The following EDEM3 variants were observed in gnomAD, a reference collection of about 807,000 sequenced individuals.
The protein encoded by EDEM3 is ER degradation enhancing alpha-mannosidase like protein 3, also known as ER degradation-enhancing alpha-mannosidase-like protein 3.
Under a neutral mutation model 110.2 loss-of-function variants are expected in EDEM3, and 60 were observed. The ratio of observed to expected loss-of-function variants is 0.54; its 90% CI spans 0.44 to 0.67. EDEM3 has a LOEUF of 0.67. Among genes scored for constraint, EDEM3 ranks in the 30% least tolerant of loss-of-function variants. EDEM3 has a pLI of 0.00. For missense variants in EDEM3, 996 were observed against 1,121.0 expected, an observed-to-expected ratio of 0.89 and a Z score of 1.59; for synonymous variants, 352 against 382.9, an observed-to-expected ratio of 0.92 and a Z score of 0.94.
chr1:184,737,737 C>T (rs368162747), intron 2 of EDEM3, 26 bp from the exon 3 acceptor site: 394 of 1,597,650 alleles, frequency 2.5e-4, no homozygotes, highest in Non-Finnish European at 3.2e-4. Context: ...TAGTAAGTTA[C>T]TAAGGAAAAT....
At chr1:184,753,391 G>C (rs1571436867) in intron 1 of EDEM3, among the ~76,000 whole-genome samples, 1 of 143,114 alleles carries the variant, frequency 7.0e-6, no homozygotes, top group Non-Finnish European at 1.5e-5. Context: ...AGGAAGAGCT[G>C]TTCTTTCAAA....
At chr1:184,701,485 C>A (rs1298909249) in intron 19 of EDEM3, 2 of 1,269,608 alleles carry the variant, frequency 1.6e-6, no homozygotes, top group Non-Finnish European at 2.0e-6. Context: ...CTTGTTAATG[C>A]AAGATACTTA....
intron 13 of EDEM3, among the ~76,000 whole-genome samples, chr1:184,715,712 A>G (rs1650509221): frequency 6.6e-6 from 1 of 152,236 alleles, no homozygotes; most frequent in Non-Finnish European, 1.5e-5. Context: ...TAAGGATCAA[A>G]TTAGTTAAAC....
intron 14 of EDEM3, 117 bp downstream of exon 14, chr1:184,712,316 T>C (rs1408406673): frequency 2.2e-6 from 2 of 919,000 alleles, no homozygotes; most frequent in Non-Finnish European, 3.2e-6. Context: ...AAAATGTATA[T>C]ATTTATTCTT....
At position 184,726,371 on chromosome 1, in the gene EDEM3, T is replaced by A. The variant is rs142115161; in HGVS notation, c.631A>T (p.Ile211Phe). Reference protein sequence around the residue: ...PYPRINLKFGIRKPEARTGTE... With the variant: ...PYPRINLKFGFRKPEARTGTE... Reference sequence around the variant, plus strand: ...CCTGTCCGAGCTTCTGGTTTTCTGATGCCAAACTTTAAATTAATCTGAATA... The same window carrying A: ...CCTGTCCGAGCTTCTGGTTTTCTGAAGCCAAACTTTAAATTAATCTGAATA... The change falls in exon 7 of 20, where the codon ATC becomes TTC. Residue 211 changes from isoleucine (I) to phenylalanine (F), a missense_variant. Physicochemically the swap from Ile to Phe is conservative, Grantham distance 21 (BLOSUM62 0). Around this residue, in one of 5 missense-constraint regions of EDEM3, gnomAD observed 310 missense variants for 394.6 expected, o/e 0.79. Transcript: ENST00000318130. 155 of 1,613,314 alleles carry A rather than the reference T, an allele frequency of 9.6e-5. No homozygotes were observed. The highest frequency in any genetic ancestry group is 1.2e-4 in the Non-Finnish European group (143 of 1,179,602).
chr1:184,696,085 A>G (rs945383819), intron 19 of EDEM3, among the ~76,000 whole-genome samples: 1 of 151,862 alleles, frequency 6.6e-6, no homozygotes, highest in African/African-American at 2.4e-5. Flanking sequence ...ATGAAATGCA[A>G]TTGTCTCAAG....
chr1:184,739,074 A>G (rs1300493361), intron 2 of EDEM3, among the ~76,000 whole-genome samples: 1 of 152,050 alleles, frequency 6.6e-6, no homozygotes, highest in East Asian at 1.9e-4. Flanking sequence ...TCTAAATACT[A>G]CTTTTAAAAC....
intron 1 of EDEM3, among the ~76,000 whole-genome samples, chr1:184,753,631 C>T (rs371559794): frequency 2.0e-5 from 3 of 152,066 alleles, no homozygotes; most frequent in African/African-American, 7.2e-5. Flanking sequence ...AGAACCGTAT[C>T]CTTGTGTTTT....
intron 6 of EDEM3, 32 bp downstream of exon 6, chr1:184,732,805 T>A: frequency 6.2e-7 from 1 of 1,602,126 alleles, no homozygotes; most frequent in Non-Finnish European, 8.5e-7. Context: ...AAAGAAAGTA[T>A]ATAAAGACTC....
intron 2 of EDEM3, among the ~76,000 whole-genome samples, chr1:184,748,611 T>G (rs375110491): frequency 6.6e-6 from 1 of 152,050 alleles, no homozygotes; most frequent in Admixed American, 6.6e-5. Context: ...AAATTTACAA[T>G]ATAAAAGAGA....
In EDEM3 at chr1:184,710,478, C is replaced by T. The variant is rs1411005836; in HGVS notation, c.1761G>A (p.Glu587=). 6.2e-7 allele frequency: 1 copy of T among 1,613,938 alleles called. No individual in the cohort carries two copies. Residue 587 remains glutamate, a synonymous_variant, in exon 16 of 20, where the codon GAG becomes GAA. Transcript: ENST00000318130. Reference sequence around the variant, plus strand: ...CCATCTTCTTCAGGATTTCTAAATGCTCAGGGTTAGTGGCCATGAAATCTC... The same window carrying T: ...CCATCTTCTTCAGGATTTCTAAATGTTCAGGGTTAGTGGCCATGAAATCTC... ...RARDFMATNP[E]HLEILKKMGV... is the part of the protein sequence containing the mutation.
At chr1:184,729,576 A>C (rs59085958) in intron 6 of EDEM3, among the ~76,000 whole-genome samples, 10,893 of 152,248 alleles carry the variant, frequency 0.072, 450 homozygotes, top group African/African-American at 0.12. Flanking sequence ...TGTACAGTAC[A>C]TTCTTCTGAG....
At position 184,728,213 on chromosome 1, in the gene EDEM3, T is replaced by C. The variant is rs146709630; in HGVS notation, c.613-1824A>G. Among the ~76,000 whole-genome samples the C allele has an allele frequency of 9.2e-3, 1,392 of 151,980 alleles. 8 individuals carry two copies. Among genetic ancestry groups the C allele is most frequent in the Middle Eastern group, 0.031 (9 of 292 alleles). ...AAGACAGATATATAAATAGAGAAAA[T>C]AACTGACAATGAAAAGTCATAAATT... is the stretch of plus-strand genomic sequence containing the variant. On this transcript the variant is annotated intron_variant, in intron 6 of 19. Coordinates refer to ENST00000318130, the MANE Select transcript of EDEM3 (RefSeq NM_025191.4).
intron 1 of EDEM3, among the ~76,000 whole-genome samples, chr1:184,754,104 T>C (rs1429028927): frequency 6.6e-6 from 1 of 152,194 alleles, no homozygotes; most frequent in African/African-American, 2.4e-5. Context: ...ATTTTCCCAG[T>C]TGGAAGCTCA....
intron 5 of EDEM3, 147 bp from the exon 6 acceptor site, chr1:184,733,137 T>C (rs1651619960): frequency 1.4e-6 from 1 of 722,434 alleles, no homozygotes; most frequent in Non-Finnish European, 2.1e-6. Context: ...ACACTGCTCA[T>C]TTTATGGTAA....
chr1:184,709,119 T>C (rs537409637), intron 16 of EDEM3, among the ~76,000 whole-genome samples: 1 of 152,278 alleles, frequency 6.6e-6, no homozygotes, highest in South Asian at 2.1e-4. Flanking sequence ...TTTCCAGCTT[T>C]GATGACTTAA....
intron 11 of EDEM3, 33 bp downstream of exon 11, chr1:184,719,129 T>A (rs757807630): frequency 8.0e-7 from 1 of 1,245,806 alleles, no homozygotes; most frequent in Non-Finnish European, 1.1e-6. Flanking sequence ...TGTTTGTGTG[T>A]GTGTAAGATT....
Position 184,719,500 on chromosome 1 carries a change from T to G in EDEM3, c.1020A>C (p.Pro340=), listed in dbSNP as rs138079099. 1.2e-6 allele frequency: 2 copies of G among 1,613,848 alleles called. No individual in the cohort carries two copies. Among genetic ancestry groups the G allele is most frequent in the African/African-American group, 2.7e-5 (2 of 74,862 alleles). Residue 340 remains proline, a synonymous_variant, in exon 10 of 20, where the codon CCA becomes CCC. Coordinates refer to ENST00000318130, the MANE Select transcript of EDEM3 (RefSeq NM_025191.4). ...CCATCCAAGTCCGAGCATTCAGCAT[T>G]GGTTTGTGGATATGCACATCAAGTA... ...PLLLDVHIHK[P]MLNARTWMDA...
chr1:184,701,590 G>T, intron 19 of EDEM3: 1 of 1,196,718 alleles, frequency 8.4e-7, no homozygotes, highest in Non-Finnish European at 1.1e-6. Flanking sequence ...AAAAGCAAAT[G>T]CATTAAAGAG....
Sources: allele counts gnomAD v4.1 joint callset (sites outside exome capture counted in the v4.1 genomes callset), GRCh38; gene constraint gnomAD v4.1.1; regional missense constraint gnomAD v4.1.1; transcripts MANE v1.5; gene names NCBI Gene and HGNC (gene_info 2026-07-23, HGNC 2026-07-21).